Variants in CACNA1H observed in about 807,000 individuals in gnomAD.
CACNA1H encodes the protein voltage-dependent T-type calcium channel subunit alpha-1H.
CACNA1H carries 149 observed loss-of-function variants against 192.5 expected under a neutral mutation model. That is an observed-to-expected ratio of 0.77 (90% CI 0.68 to 0.89). The LOEUF is 0.89. CACNA1H is among the 40% of genes least tolerant of loss of function. CACNA1H has a pLI of 0.00. For missense variants in CACNA1H, 4,257 were observed against 3,423.5 expected, an observed-to-expected ratio of 1.24 and a Z score of -6.08; for synonymous variants, 2,202 against 1,475.2, an observed-to-expected ratio of 1.49 and a Z score of -11.29.
At chr16:1,154,147 C>G (rs1222558529) in intron 2 of CACNA1H, 111 bp downstream of exon 2, 3 of 844,728 alleles carry the variant, frequency 3.6e-6, no homozygotes, top group Admixed American at 4.5e-5. Flanking sequence ...TTGGTGGGAC[C>G]TGGCGTGGGC....
At chr16:1,173,246 G>C (rs1013510718) in intron 2 of CACNA1H, among the ~76,000 whole-genome samples, 1 of 152,176 alleles carries the variant, frequency 6.6e-6, no homozygotes, top group Non-Finnish European at 1.5e-5. Flanking sequence ...GAGGAAAGGG[G>C]TGCGGAGCTT....
rs780055124 is a variant in CACNA1H, at chr16:1,201,700, T to A, written c.1250T>A (p.Val417Glu). The A allele has an allele frequency of 6.2e-7, 1 of 1,607,698 alleles. No homozygotes were observed. The highest frequency in any genetic ancestry group is 1.1e-5 in the South Asian group (1 of 90,634). The change falls in exon 9 of 35, where the codon GTG (valine) becomes GAG (glutamate). Residue 417 changes from valine to glutamate, a missense_variant. Val to Glu is a moderately radical substitution (Grantham distance 121). Coordinates refer to ENST00000348261, the MANE Select transcript of CACNA1H (RefSeq NM_021098.3). ...TTCATGATCAACCTGTGCCTGGTGG[T>A]GATTGCCACGCAGTTCTCGGAGACG... ...SFFMINLCLV[V>E]IATQFSETKQ...
rs1373635413 is a variant in CACNA1H at position 1,211,708 on chromosome 16, G to T, written c.4477-8G>T. 1.2e-6 allele frequency: 2 copies of T among 1,612,448 alleles called. No homozygotes were observed. Among genetic ancestry groups the T allele is most frequent in the Non-Finnish European group, 1.7e-6 (2 of 1,179,680 alleles). On this transcript the variant is annotated splice_polypyrimidine_tract_variant and splice_region_variant and intron_variant, in intron 23 of 34. Transcript: ENST00000348261. Reference sequence around the variant, plus strand: ...ACCCTCGCCAGTGACCCTGGCTCTGGCCCTCAGGCCCTGATGTCGCTGTTC... The same window carrying T: ...ACCCTCGCCAGTGACCCTGGCTCTGTCCCTCAGGCCCTGATGTCGCTGTTC...
chr16:1,209,248 C>A lies in CACNA1H; in HGVS notation c.3580C>A (p.Arg1194=). ...AAPGPRATPL[R]RAESLDPRPL... ...GCCCGGGCCCCGTGCCACCCCACTG[C>A]GGCGGGCCGAGTCCCTGGACCCACG... is the stretch of plus-strand genomic sequence containing the variant. Residue 1194 remains arginine (R), a synonymous_variant, in exon 17 of 35, where the codon CGG becomes AGG. Coordinates refer to ENST00000348261, the MANE Select transcript of CACNA1H (RefSeq NM_021098.3). 6.5e-7 allele frequency: 1 copy of A among 1,544,064 alleles called. No homozygotes were observed. The highest frequency in any genetic ancestry group is 8.7e-7 in the Non-Finnish European group (1 of 1,147,382).
In CACNA1H at chr16:1,160,766, C is replaced by T. The variant is rs539382342; in HGVS notation, c.299+6730C>T. ...GAGGCCTCCTTTGTCCTCTTGCTGC[C>T]GCCCGGTCGCTTGCCGGGAGCGGGA... is the stretch of plus-strand genomic sequence containing the variant. On this transcript the variant is annotated intron_variant, in intron 2 of 34. Transcript: ENST00000348261. Among the ~76,000 whole-genome samples, 47 of 152,302 alleles carry T rather than the reference C, an allele frequency of 3.1e-4. No individual in the cohort carries two copies. In the South Asian group the frequency reaches 8.1e-3, roughly 26 times the overall value.
At chr16:1,194,900 G>C in intron 2 of CACNA1H, 72 bp from the exon 3 acceptor site, 1 of 1,115,538 alleles carries the variant, frequency 9.0e-7, no homozygotes, top group Non-Finnish European at 1.4e-6. Context: ...GGCTGACCGG[G>C]TGGGCATTTG....
intron 2 of CACNA1H, among the ~76,000 whole-genome samples, chr16:1,160,868 C>T (rs1405488127): frequency 1.3e-5 from 2 of 152,126 alleles, no homozygotes. Flanking sequence ...CAACCCGGGA[C>T]GCCAGAGCAC....
rs1173893014 is a variant in CACNA1H, at chr16:1,212,510, G to A, written c.4760-1G>A. 9 of 1,611,100 alleles carry A rather than the reference G, an allele frequency of 5.6e-6. No homozygotes were observed. The highest frequency in any genetic ancestry group is 7.6e-6 in the Non-Finnish European group (9 of 1,179,136). On this transcript the variant is annotated splice_acceptor_variant, in intron 25 of 34. Transcript: ENST00000348261. LOFTEE classifies it high-confidence loss of function. ...CTCAGACCATCTCCTTGTCTTTCCA[G>A]GCACTTTCCCCAGCCCAGGTACCGG...
At chr16:1,201,437 G>A (rs1015681173) in intron 8 of CACNA1H, among the ~76,000 whole-genome samples, 11 of 152,184 alleles carry the variant, frequency 7.2e-5, no homozygotes, top group African/African-American at 2.4e-4. Context: ...AGGAAAGAGG[G>A]TTCCAGGTCT....
chr16:1,216,239 G>A (rs1216450142), intron 30 of CACNA1H, among the ~76,000 whole-genome samples: 2 of 152,114 alleles, frequency 1.3e-5, no homozygotes, highest in African/African-American at 2.4e-5. Context: ...CCTGTCTTCT[G>A]CCTCCCACCT....
chr16:1,161,721 G>A (rs546211938), intron 2 of CACNA1H, among the ~76,000 whole-genome samples: 33 of 152,322 alleles, frequency 2.2e-4, no homozygotes, highest in Non-Finnish European at 4.4e-4. Flanking sequence ...CGGGAGATAG[G>A]CTGTCAGCCC....
chr16:1,198,222 C>T (rs748622976), intron 5 of CACNA1H, among the ~76,000 whole-genome samples: 1 of 152,134 alleles, frequency 6.6e-6, no homozygotes, highest in African/African-American at 2.4e-5. Flanking sequence ...CTGGTCATCC[C>T]GAGCCCGAGA....
chr16:1,193,824 G>T (rs2141183420), intron 2 of CACNA1H, among the ~76,000 whole-genome samples: 1 of 152,258 alleles, frequency 6.6e-6, no homozygotes, highest in African/African-American at 2.4e-5. Context: ...GGGTCCCTGG[G>T]GGAGGGGCTC....
rs1345675877 is a variant in CACNA1H at position 1,214,977 on chromosome 16, G to A, written c.4935G>A (p.Leu1645=). The change falls in exon 28 of 35, where the codon CTG becomes CTA. Residue 1645 remains leucine (L), a synonymous_variant. Transcript: ENST00000348261. ...SMEHYNQPKS[L]DEALKYCNYV... is the part of the protein sequence containing the mutation. The stretch of plus-strand genomic sequence containing the variant: ...GCCCGACCCTCCACCCCCAGTCGCT[G>A]GACGAGGCCCTCAAGTACTGCAACT... The A allele has an allele frequency of 1.9e-6, 3 of 1,606,036 alleles. 1 individual carries two copies. Among genetic ancestry groups the A allele is most frequent in the South Asian group, 2.2e-5 (2 of 89,620 alleles).
chr16:1,212,728 G>A (rs991651769), intron 26 of CACNA1H, among the ~76,000 whole-genome samples, 200 bp downstream of exon 26: 11 of 152,322 alleles, frequency 7.2e-5, no homozygotes, highest in East Asian at 1.9e-4. Flanking sequence ...GGCTCTGCCC[G>A]GCTCACAGTC....
At chr16:1,194,913 G>A in intron 2 of CACNA1H, 59 bp from the exon 3 acceptor site, 6 of 1,278,652 alleles carry the variant, frequency 4.7e-6, no homozygotes, top group Non-Finnish European at 6.8e-6. Flanking sequence ...GGCATTTGGA[G>A]GGCCCCATGG....
intron 2 of CACNA1H, among the ~76,000 whole-genome samples, chr16:1,183,848 T>C (rs1567471886): frequency 1.3e-5 from 2 of 152,250 alleles, no homozygotes; most frequent in African/African-American, 4.8e-5. Flanking sequence ...CTCCAAAGTC[T>C]GCAAACATCT....
At chr16:1,201,463 A>G (rs1015205592) in intron 8 of CACNA1H, among the ~76,000 whole-genome samples, 200 bp from the exon 9 acceptor site, 1 of 152,162 alleles carries the variant, frequency 6.6e-6, no homozygotes, top group African/African-American at 2.4e-5. Flanking sequence ...CCAGATAGGC[A>G]CAAAGCAGCT....
chr16:1,219,574 C>T (rs572906480), intron 34 of CACNA1H, among the ~76,000 whole-genome samples: 1 of 152,222 alleles, frequency 6.6e-6, no homozygotes, highest in Non-Finnish European at 1.5e-5. Flanking sequence ...CCACCTGCAG[C>T]CTCAGCTCCT....
Sources: gnomAD v4.1 joint callset for allele counts (sites outside exome capture counted in the v4.1 genomes callset) on GRCh38, gnomAD v4.1.1 for gene constraint, MANE v1.5 for transcripts, NCBI Gene and HGNC (gene_info 2026-07-23, HGNC 2026-07-21) for gene names.